Variants in PTPRJ observed in about 807,000 individuals in gnomAD.
PTPRJ encodes receptor-type tyrosine-protein phosphatase eta.
A neutral mutation model predicts 141.3 loss-of-function variants in PTPRJ; 129 were observed. That is an observed-to-expected ratio of 0.91 (90% CI 0.79 to 1.06). PTPRJ has a LOEUF of 1.06. Among genes scored for constraint, PTPRJ ranks in the 50% least tolerant of loss-of-function variants. PTPRJ has a pLI of 0.00. For missense variants in PTPRJ, 1,601 were observed against 1,679.7 expected, an observed-to-expected ratio of 0.95 and a Z score of 0.82; for synonymous variants, 610 against 640.5, an observed-to-expected ratio of 0.95 and a Z score of 0.72.
At chr11:48,122,207 G>A (rs1856723761) in intron 4 of PTPRJ, among the ~76,000 whole-genome samples, 1 of 152,296 alleles carries the variant, frequency 6.6e-6, no homozygotes, top group South Asian at 2.1e-4. Context: ...CTGCCATAAA[G>A]GTTTGCTCTG....
chr11:48,072,930 G>T (rs2134275484), intron 1 of PTPRJ, among the ~76,000 whole-genome samples: 1 of 152,290 alleles, frequency 6.6e-6, no homozygotes, highest in Admixed American at 6.5e-5. Flanking sequence ...AAATATGCAG[G>T]TCAATTTAAA....
chr11:48,125,011 C>G lies in PTPRJ; in HGVS notation c.918C>G (p.Ala306=). ...TERSRAGSPT[A]PVHDESLVGP... ...GAAGCCGGGCAGGGAGCCCCACCGC[C>G]CCTGTGCATGATGAGTCCCTCGTGG... Residue 306 remains alanine (A), a synonymous_variant, in exon 6 of 25, where the codon GCC becomes GCG. Transcript: ENST00000418331. 3 of 1,614,132 alleles carry G rather than the reference C, an allele frequency of 1.9e-6. No individual in the cohort carries two copies. Among genetic ancestry groups the G allele is most frequent in the South Asian group, 1.1e-5 (1 of 91,076 alleles).
At chr11:48,144,358 G>A (rs150004384) in intron 12 of PTPRJ, among the ~76,000 whole-genome samples, 2 of 152,324 alleles carry the variant, frequency 1.3e-5, no homozygotes, top group African/African-American at 4.8e-5. Flanking sequence ...CTCTGAGCCC[G>A]ATGCCCTGGA....
chr11:48,142,801 C>A, intron 11 of PTPRJ, 118 bp from the exon 12 acceptor site: 2 of 1,274,122 alleles, frequency 1.6e-6, no homozygotes, highest in Non-Finnish European at 2.1e-6. Context: ...TTTGCACGAG[C>A]CCAGCATGTA....
chr11:48,067,719 A>G (rs1443474665), intron 1 of PTPRJ, among the ~76,000 whole-genome samples: 1 of 152,204 alleles, frequency 6.6e-6, no homozygotes, highest in African/African-American at 2.4e-5. Flanking sequence ...CAGTCTTTTC[A>G]TTCATGTTTT....
intron 1 of PTPRJ, among the ~76,000 whole-genome samples, chr11:48,024,283 C>T (rs201749989): frequency 1.3e-5 from 2 of 152,234 alleles, no homozygotes; most frequent in East Asian, 1.9e-4. Flanking sequence ...TTTCAACCTC[C>T]GCCTCCTGTG....
chr11:48,132,926 C>T (rs1440479345), intron 8 of PTPRJ, among the ~76,000 whole-genome samples: 1 of 152,156 alleles, frequency 6.6e-6, no homozygotes, highest in Non-Finnish European at 1.5e-5. Flanking sequence ...GTTGACATGA[C>T]GTCTTAACGT....
intron 18 of PTPRJ, among the ~76,000 whole-genome samples, chr11:48,152,242 C>T (rs1857502017): frequency 6.6e-6 from 1 of 152,126 alleles, no homozygotes; most frequent in Admixed American, 6.5e-5. Context: ...GCATAAATGT[C>T]TTCTTTTGAG....
At chr11:47,984,224 T>TTTCTCA (rs1332349688) in intron 1 of PTPRJ, among the ~76,000 whole-genome samples, 16 of 151,064 alleles carry the variant, frequency 1.1e-4, no homozygotes, top group African/African-American at 4.0e-4. Flanking sequence ...AAATGAGCAA[T>TTTCTCA]TTTGGTCAGC....
chr11:48,015,871 A>AG (rs1445053250), intron 1 of PTPRJ: 14 of 152,494 alleles, frequency 9.2e-5, no homozygotes, highest in African/African-American at 3.4e-4. Flanking sequence ...AAAAAAAAAA[A>AG]AAAAGAAATA....
intron 6 of PTPRJ, 39 bp downstream of exon 6, chr11:48,125,225 C>T: frequency 6.3e-7 from 1 of 1,595,212 alleles, no homozygotes. Context: ...GCCAGAGTTT[C>T]CTAGCACAAT....
At chr11:48,008,251 C>G (rs1419209869) in intron 1 of PTPRJ, among the ~76,000 whole-genome samples, 1 of 152,152 alleles carries the variant, frequency 6.6e-6, no homozygotes, top group Non-Finnish European at 1.5e-5. Context: ...ACACCTTTCA[C>G]CACAATTTAT....
In PTPRJ at chr11:47,986,486, G is replaced by A. The variant is rs371725599; in HGVS notation, c.96+5478G>A. Among the ~76,000 whole-genome samples the A allele has an allele frequency of 2.5e-4, 38 of 152,308 alleles. No individual in the cohort carries two copies. In the South Asian group the frequency reaches 7.5e-3, roughly 30 times the overall value. Reference sequence around the variant, plus strand: ...GGCTGCTGCTGTTACTTGGAGAGAAGAAATGAGGCCCCAGATCATTAGTTC... The same window carrying A: ...GGCTGCTGCTGTTACTTGGAGAGAAAAAATGAGGCCCCAGATCATTAGTTC... On this transcript the variant is annotated intron_variant, in intron 1 of 24. Transcript: ENST00000418331.
intron 1 of PTPRJ, among the ~76,000 whole-genome samples, chr11:48,080,730 C>T (rs1385817995): frequency 6.6e-6 from 1 of 152,200 alleles, no homozygotes. Flanking sequence ...CGCTCCCCTC[C>T]TCTGTAAAAC....
chr11:47,988,101 C>T lies in PTPRJ; in HGVS notation c.96+7093C>T, dbSNP rs1854096498. On this transcript the variant is annotated intron_variant, in intron 1 of 24. Transcript: ENST00000418331. Reference sequence around the variant, plus strand: ...ATTTTTCTGGGAGCCTGTGCCAGGGCGTAGCCCAGTGTTATCTCATGGTTT... The same window carrying T: ...ATTTTTCTGGGAGCCTGTGCCAGGGTGTAGCCCAGTGTTATCTCATGGTTT... 2.6e-5 allele frequency among the ~76,000 whole-genome samples: 4 copies of T among 152,162 alleles called. 1 individual carries two copies. In the South Asian group the frequency reaches 6.2e-4, roughly 24 times the overall value.
At chr11:48,048,548 C>A (rs1351626374) in intron 1 of PTPRJ, among the ~76,000 whole-genome samples, 1 of 152,210 alleles carries the variant, frequency 6.6e-6, no homozygotes, top group African/African-American at 2.4e-5. Context: ...AATCTCAGCA[C>A]TTTGGGAGGC....
At chr11:48,024,913 G>A (rs560419544) in intron 1 of PTPRJ, among the ~76,000 whole-genome samples, 5 of 152,312 alleles carry the variant, frequency 3.3e-5, no homozygotes, top group South Asian at 2.1e-4. Context: ...AGGAACAGTC[G>A]CGTTTACAGA....
chr11:48,138,543 T>A (rs1278221140), intron 10 of PTPRJ, among the ~76,000 whole-genome samples: 1 of 152,170 alleles, frequency 6.6e-6, no homozygotes, highest in African/African-American at 2.4e-5. Flanking sequence ...CCAGTTGTAA[T>A]ATGGAGTTTT....
Position 48,051,886 on chromosome 11 carries a change from C to T in PTPRJ, c.97-58172C>T, listed in dbSNP as rs980975825. 2.6e-5 allele frequency among the ~76,000 whole-genome samples: 4 copies of T among 152,336 alleles called. No individual in the cohort carries two copies. The South Asian group carries it at 6.2e-4, about 24-fold the overall frequency. The stretch of plus-strand genomic sequence containing the variant: ...TAACTTTGCTAAGCCTCAGGTTTCT[C>T]GTGTTGCATAGGCAGATGATAGTCA... On this transcript the variant is annotated intron_variant, in intron 1 of 24. Coordinates refer to ENST00000418331, the MANE Select transcript of PTPRJ (RefSeq NM_002843.4).
Sources: gnomAD v4.1 joint callset for allele counts (sites outside exome capture counted in the v4.1 genomes callset) on GRCh38, gnomAD v4.1.1 for gene constraint, MANE v1.5 for transcripts, NCBI Gene and HGNC (gene_info 2026-07-23, HGNC 2026-07-21) for gene names.